The following MROH2B variants were observed in gnomAD, a reference collection of about 807,000 sequenced individuals.
MROH2B encodes the protein maestro heat-like repeat-containing protein family member 2B.
A neutral mutation model predicts 208.6 loss-of-function variants in MROH2B; 177 were observed. The ratio of observed to expected loss-of-function variants is 0.85; its 90% CI spans 0.75 to 0.96. The LOEUF is 0.96. Among genes scored for constraint, MROH2B ranks in the 40% least tolerant of loss-of-function variants. The probability of loss-of-function intolerance (pLI) is 0.00; values close to 1 mark genes in which losing one functional copy is unlikely to be tolerated. For missense variants in MROH2B, 2,002 were observed against 1,878.7 expected (o/e 1.07, Z -1.21); for synonymous variants, 728 against 659.0 (o/e 1.10, Z -1.60).
intron 35 of MROH2B, 61 bp downstream of exon 35, chr5:41,005,470 C>G (rs1561274155): frequency 1.0e-6 from 1 of 986,782 alleles, no homozygotes; most frequent in East Asian, 4.8e-5. Flanking sequence ...GGGCTCCAGA[C>G]CATAAGAGAA....
intron 24 of MROH2B, among the ~76,000 whole-genome samples, chr5:41,021,413 G>A (rs1002051276): frequency 6.6e-6 from 1 of 152,090 alleles, no homozygotes; most frequent in Admixed American, 6.5e-5. Flanking sequence ...AATACCAAGG[G>A]TGCTTTTTGT....
intron 7 of MROH2B, among the ~76,000 whole-genome samples, chr5:41,057,852 C>T (rs1743511263): frequency 6.6e-6 from 1 of 151,968 alleles, no homozygotes; most frequent in African/African-American, 2.4e-5. Context: ...AGCCACTGAG[C>T]CAGGCCCAGA....
chr5:41,068,352 T>A (rs1407346431), intron 2 of MROH2B, among the ~76,000 whole-genome samples: 1 of 152,202 alleles, frequency 6.6e-6, no homozygotes, highest in African/African-American at 2.4e-5. Flanking sequence ...CAGGCCTTGT[T>A]CTTTGGCAAG....
intron 18 of MROH2B, among the ~76,000 whole-genome samples, chr5:41,044,009 G>A (rs551879136): frequency 1.5e-3 from 227 of 151,824 alleles, no homozygotes; most frequent in African/African-American, 5.3e-3. Flanking sequence ...GCAGGCTGAG[G>A]TGGGTGGATC....
chr5:41,024,058 C>G (rs974647976), intron 24 of MROH2B, among the ~76,000 whole-genome samples: 1 of 152,154 alleles, frequency 6.6e-6, no homozygotes, highest in Non-Finnish European at 1.5e-5. Flanking sequence ...AAAGAACAAC[C>G]AGTACCAGCC....
chr5:41,044,731 A>G (rs1322106464), intron 18 of MROH2B, among the ~76,000 whole-genome samples: 1 of 152,234 alleles, frequency 6.6e-6, no homozygotes, highest in Non-Finnish European at 1.5e-5. Flanking sequence ...TTTGAAAATT[A>G]CATATGTGAG....
intron 11 of MROH2B, among the ~76,000 whole-genome samples, chr5:41,053,831 GCAGT>G (rs2150177646): frequency 1.3e-5 from 2 of 152,280 alleles, no homozygotes; most frequent in South Asian, 4.1e-4. Flanking sequence ...ATAGTCACTG[GCAGT>G]CAAAGCTTCT....
At position 41,054,774 on chromosome 5, in the gene MROH2B, C is replaced by A; in HGVS notation, c.1100G>T (p.Ser367Ile). The A allele has an allele frequency of 1.9e-6, 3 of 1,607,870 alleles. No homozygotes were observed. The highest frequency in any genetic ancestry group is 1.1e-5 in the South Asian group (1 of 89,728). ...TTCTATTAATTCTCTTACTTTTGTACTGAGATCACCCATGACGATTTTGAC... is the reference window on the plus strand; with the variant it reads ...TTCTATTAATTCTCTTACTTTTGTAATGAGATCACCCATGACGATTTTGAC... Reference protein sequence around the residue: ...RTVKIVMGDLSTKVRNSVLLL... With the variant: ...RTVKIVMGDLITKVRNSVLLL... The change falls in exon 11 of 42, where the codon AGT becomes ATT. Residue 367 changes from serine (S) to isoleucine (I), a missense_variant. Physicochemically the swap from Ser to Ile is moderately radical, Grantham distance 142 (BLOSUM62 -2). Coordinates refer to ENST00000399564, the MANE Select transcript of MROH2B (RefSeq NM_173489.5).
At position 41,055,754 on chromosome 5, in the gene MROH2B, C is replaced by G; in HGVS notation, c.1021G>C (p.Val341Leu). 2 of 1,613,474 alleles carry G rather than the reference C, an allele frequency of 1.2e-6. No homozygotes were observed. The highest frequency in any genetic ancestry group is 1.3e-5 in the African/African-American group (1 of 75,060). The change falls in exon 10 of 42, where the codon GTC becomes CTC. Residue 341 changes from valine to leucine, a missense_variant. Transcript: ENST00000399564. ...VGILTLLRLA[V>L]NADEPRLRDH... is the part of the protein sequence containing the mutation. ...CCCTCTTGCTTACCATCAGCATTGA[C>G]AGCCAATCTTAACAAAGTCAAGATT... is the stretch of plus-strand genomic sequence containing the variant.
In MROH2B at chr5:41,056,894, G is replaced by A. The variant is rs1386381384; in HGVS notation, c.919+215C>T. 7.2e-5 allele frequency among the ~76,000 whole-genome samples: 11 copies of A among 151,928 alleles called. No homozygotes were observed. In the East Asian group the frequency reaches 1.9e-3, roughly 27 times the overall value. On this transcript the variant is annotated intron_variant, in intron 9 of 41. Coordinates refer to ENST00000399564, the MANE Select transcript of MROH2B (RefSeq NM_173489.5). The stretch of plus-strand genomic sequence containing the variant: ...ATCTCCCTGGACCTATCCCAGTCGT[G>A]GAAACCCTGGCATCATTGGCCATTC...
Position 41,009,995 on chromosome 5 carries a change from T to A in MROH2B, c.3220A>T (p.Ile1074Phe), listed in dbSNP as rs79005885. The A allele has an allele frequency of 6.9e-5, 112 of 1,613,878 alleles. No homozygotes were observed. The highest frequency in any genetic ancestry group is 4.9e-4 in the Middle Eastern group (3 of 6,062). The change falls in exon 31 of 42, where the codon ATC becomes TTC. Residue 1074 changes from isoleucine (I) to phenylalanine (F), a missense_variant. Transcript: ENST00000399564. Reference protein sequence around the residue: ...EESFQFILEAISQIASFHMDT... With the variant: ...EESFQFILEAFSQIASFHMDT... ...ATGTGAAAGCTGGCTATCTGGGAGA[T>A]GGCTTCTAGAATGAACTGAAAACTT...
intron 6 of MROH2B, among the ~76,000 whole-genome samples, chr5:41,061,165 A>T (rs997513768): frequency 2.6e-4 from 39 of 152,288 alleles, no homozygotes; most frequent in African/African-American, 9.1e-4. Flanking sequence ...GTGGACTGCT[A>T]TTTTTTCCTA....
Position 41,049,283 on chromosome 5 carries a change from C to T in MROH2B, c.1498G>A (p.Ala500Thr), listed in dbSNP as rs756802256. ...CTGTGTTTATGAATGTACAGACCAG[C>T]TCCTGTAGAGACGACAAGTGCTGTC... ...ESTALVVSTG[A>T]VKLPSPQQLL... Residue 500 changes from alanine (A) to threonine (T), a missense_variant, in exon 14 of 42, where the codon GCT (alanine) becomes ACT (threonine). Ala to Thr is a moderately conservative substitution (Grantham distance 58, BLOSUM62 0). Transcript: ENST00000399564. 1.9e-6 allele frequency: 3 copies of T among 1,613,168 alleles called. No homozygotes were observed. Among genetic ancestry groups the T allele is most frequent in the Admixed American group, 1.7e-5 (1 of 59,858 alleles).
At chr5:41,025,311 G>C in intron 24 of MROH2B, among the ~76,000 whole-genome samples, 1 of 151,956 alleles carries the variant, frequency 6.6e-6, no homozygotes, top group East Asian at 1.9e-4. Context: ...GAAGAAAAGA[G>C]AGAGGAATCA....
At chr5:41,061,359 G>A (rs1454880959) in intron 6 of MROH2B, among the ~76,000 whole-genome samples, 1 of 152,082 alleles carries the variant, frequency 6.6e-6, no homozygotes, top group Non-Finnish European at 1.5e-5. Context: ...ATAGTGTCTG[G>A]CATGTCATGG....
chr5:41,027,988 T>C lies in MROH2B; in HGVS notation c.2441+4754A>G, dbSNP rs1394606503. Among the ~76,000 whole-genome samples the C allele has an allele frequency of 2.8e-5, 4 of 143,186 alleles. No individual in the cohort carries two copies. In the South Asian group the frequency reaches 6.5e-4, roughly 23 times the overall value. 93.9% of individuals were successfully genotyped at this position (143,186 alleles called of 152,430 possible). A position where few individuals can be genotyped will look rare whatever the true frequency, so the allele number is the denominator to read the frequency against. On this transcript the variant is annotated intron_variant, in intron 24 of 41. Coordinates refer to ENST00000399564, the MANE Select transcript of MROH2B (RefSeq NM_173489.5). ...TCACTCACAGGTGGGAACTGAACAA[T>C]GAGAACACTTGGAAACAGGGTGGGG...
At position 41,034,014 on chromosome 5, in the gene MROH2B, G is replaced by A. The variant is rs147914050; in HGVS notation, c.2215-150C>T. The A allele has an allele frequency of 1.4e-4, 158 of 1,169,284 alleles. 1 individual carries two copies. Among genetic ancestry groups the A allele is most frequent in the Non-Finnish European group, 1.6e-4 (149 of 921,180 alleles). The allele number at this position is 1,169,284 out of a possible 1,614,324, so 72.4% of individuals were successfully genotyped here. ...AAGGGGGGTCTTGCCAAGGGGAGGG[G>A]GGCAATTCACTTCTTCCATTTTTAA... On this transcript the variant is annotated intron_variant, in intron 21 of 41. Transcript: ENST00000399564.
At chr5:41,038,386 C>A (rs916664326) in intron 21 of MROH2B, among the ~76,000 whole-genome samples, 18 of 152,010 alleles carry the variant, frequency 1.2e-4, no homozygotes, top group African/African-American at 4.4e-4. Flanking sequence ...GGACATGAAC[C>A]GCTCAGGGCT....
intron 19 of MROH2B, among the ~76,000 whole-genome samples, chr5:41,039,858 T>G (rs2150170680): frequency 6.6e-6 from 1 of 152,278 alleles, no homozygotes; most frequent in East Asian, 1.9e-4. Flanking sequence ...GGGGGAAGTT[T>G]GCATTATTAA....
Sources: gnomAD v4.1 joint callset for allele counts (sites outside exome capture counted in the v4.1 genomes callset) on GRCh38, gnomAD v4.1.1 for gene constraint, MANE v1.5 for transcripts, NCBI Gene and HGNC (gene_info 2026-07-23, HGNC 2026-07-21) for gene names.